The following SAMD12 variants were observed in gnomAD, a reference collection of about 807,000 sequenced individuals.
SAMD12 encodes the protein sterile alpha motif domain-containing protein 12.
SAMD12 carries 9 observed loss-of-function variants against 15.0 expected under a neutral mutation model. The ratio of observed to expected loss-of-function variants is 0.60; its 90% CI spans 0.36 to 1.05. The LOEUF (loss-of-function observed/expected upper bound fraction) is 1.05, where lower values mean the gene tolerates loss of function less well. Among genes scored for constraint, SAMD12 ranks in the 50% least tolerant of loss-of-function variants. SAMD12 has a pLI of 0.01. For missense variants in SAMD12, 230 were observed against 234.2 expected, an observed-to-expected ratio of 0.98 and a Z score of 0.12; for synonymous variants, 86 against 90.1, an observed-to-expected ratio of 0.96 and a Z score of 0.25.
intron 4 of SAMD12, among the ~76,000 whole-genome samples, chr8:118,301,238 G>A (rs896646172): frequency 3.3e-5 from 5 of 152,184 alleles, no homozygotes; most frequent in African/African-American, 1.2e-4. Flanking sequence ...CTAGCAAGCT[G>A]TAGTCAACAT....
At chr8:118,337,467 T>C (rs973221427) in intron 4 of SAMD12, among the ~76,000 whole-genome samples, 1 of 152,226 alleles carries the variant, frequency 6.6e-6, no homozygotes, top group African/African-American at 2.4e-5. Context: ...AGTGCCCCCT[T>C]ATCCACATTT....
chr8:118,500,355 G>A, intron 2 of SAMD12, among the ~76,000 whole-genome samples: 1 of 151,658 alleles, frequency 6.6e-6, no homozygotes, highest in Non-Finnish European at 1.5e-5. Flanking sequence ...TGGGATTATA[G>A]GCGTGAGCCA....
At chr8:118,328,935 G>A (rs80045107) in intron 4 of SAMD12, among the ~76,000 whole-genome samples, 3,558 of 152,148 alleles carry the variant, frequency 0.023, 141 homozygotes, top group African/African-American at 0.074. Flanking sequence ...AAGAGGAGGA[G>A]GCATAAGAAA....
chr8:118,619,494 A>AAT (rs1828337180), intron 1 of SAMD12, among the ~76,000 whole-genome samples: 1 of 151,332 alleles, frequency 6.6e-6, no homozygotes, highest in Admixed American at 6.6e-5. Context: ...AAAAAAAAAA[A>AAT]AAATCTCCCA....
chr8:118,379,931 CTGACTCACACATTCAGTTAGAATGTG>C (rs1475042651), intron 3 of SAMD12, among the ~76,000 whole-genome samples: 1 of 152,182 alleles, frequency 6.6e-6, no homozygotes, highest in African/African-American at 2.4e-5. Flanking sequence ...GGAAACCCCA[CTGACTCACACATTCAGTTAGAATGTG>C]TGACTCATAC....
chr8:118,287,055 T>A (rs910294103), intron 4 of SAMD12, among the ~76,000 whole-genome samples: 6 of 152,150 alleles, frequency 3.9e-5, no homozygotes, highest in South Asian at 2.1e-4. Context: ...ATATATATAT[T>A]TTGTGCCTGG....
In SAMD12 at chr8:118,215,465, CT is replaced by C. The variant is rs900815536; in HGVS notation, c.434-17734del. The stretch of plus-strand genomic sequence containing the variant: ...CAAGAAAAATAGTTGTCATTGAGTG[CT>C]TTTTTTTTTTATTACACTTTAAGTT... On this transcript the variant is annotated intron_variant, in intron 4 of 4. Coordinates refer to the SAMD12 transcript ENST00000409003. 5.4e-3 allele frequency among the ~76,000 whole-genome samples: 514 copies of C among 95,766 alleles called. 1 individual carries two copies. The highest frequency in any genetic ancestry group is 0.02 in the East Asian group (91 of 4,618). The allele number at this position is 95,766 out of a possible 152,430, so 62.8% of individuals were successfully genotyped here.
At chr8:118,316,499 G>T (rs1013461630) in intron 4 of SAMD12, among the ~76,000 whole-genome samples, 2 of 152,066 alleles carry the variant, frequency 1.3e-5, no homozygotes, top group African/African-American at 4.8e-5. Context: ...TCATGGCACT[G>T]CACTCCAGTC....
downstream of SAMD12, among the ~76,000 whole-genome samples, chr8:118,373,825 T>A (rs528785313): frequency 2.6e-5 from 4 of 152,234 alleles, no homozygotes; most frequent in South Asian, 6.2e-4. Context: ...TTTCTACGTA[T>A]TTGCAGCCAA....
At chr8:118,168,348 C>G in the SAMD12 span, among the ~76,000 whole-genome samples, 1 of 152,184 alleles carries the variant, frequency 6.6e-6, no homozygotes, top group Non-Finnish European at 1.5e-5. Context: ...TGTGTCCTCT[C>G]TTTCCACATT....
intron 4 of SAMD12, among the ~76,000 whole-genome samples, chr8:118,360,845 G>A (rs1169733225): frequency 1.3e-5 from 2 of 152,270 alleles, no homozygotes; most frequent in South Asian, 2.1e-4. Context: ...ACCCCTTTCA[G>A]TATGTGTTCT....
intron 1 of SAMD12, among the ~76,000 whole-genome samples, chr8:118,613,030 A>T (rs527847465): frequency 1.3e-5 from 2 of 152,360 alleles, no homozygotes; most frequent in Admixed American, 1.3e-4. Context: ...TCAGAGCAGT[A>T]GTTGTCAGGG....
intron 4 of SAMD12, among the ~76,000 whole-genome samples, chr8:118,266,937 A>G (rs1813216966): frequency 6.6e-6 from 1 of 152,164 alleles, no homozygotes; most frequent in Non-Finnish European, 1.5e-5. Context: ...ACTACAGTTA[A>G]TAACAATACA....
chr8:118,274,031 T>A (rs918066326), intron 4 of SAMD12, among the ~76,000 whole-genome samples: 1 of 152,210 alleles, frequency 6.6e-6, no homozygotes, highest in Non-Finnish European at 1.5e-5. Flanking sequence ...TGGTGCTCAC[T>A]AAATTACAGG....
intron 4 of SAMD12, among the ~76,000 whole-genome samples, chr8:118,344,234 A>C (rs1221355883): frequency 6.6e-6 from 1 of 152,196 alleles, no homozygotes; most frequent in African/African-American, 2.4e-5. Flanking sequence ...TAATGTGGGA[A>C]GGTTGACAGT....
At chr8:118,491,655 G>T (rs557834396) in intron 2 of SAMD12, among the ~76,000 whole-genome samples, 1 of 152,062 alleles carries the variant, frequency 6.6e-6, no homozygotes, top group Admixed American at 6.6e-5. Flanking sequence ...TCATTATAGA[G>T]TGGCTTTGCT....
chr8:118,319,600 C>T (rs1292922591), intron 4 of SAMD12, among the ~76,000 whole-genome samples: 1 of 152,176 alleles, frequency 6.6e-6, no homozygotes. Flanking sequence ...AACCCTTATA[C>T]TTAGAATACC....
At chr8:118,418,200 A>T (rs2514984) in intron 3 of SAMD12, among the ~76,000 whole-genome samples, 33,246 of 152,202 alleles carry the variant, frequency 0.22, 3,841 homozygotes, top group East Asian at 0.36. Flanking sequence ...GTTTCAAAGC[A>T]TTATACTATC....
At chr8:118,224,410 A>G (rs1812143493) in intron 4 of SAMD12, among the ~76,000 whole-genome samples, 1 of 152,204 alleles carries the variant, frequency 6.6e-6, no homozygotes. Flanking sequence ...ATGAATCTCA[A>G]ATAACAAATA....
Sources: gnomAD v4.1 joint callset for allele counts (sites outside exome capture counted in the v4.1 genomes callset) on GRCh38, gnomAD v4.1.1 for gene constraint, MANE v1.5 for transcripts, NCBI Gene and HGNC (gene_info 2026-07-23, HGNC 2026-07-21) for gene names.